Variants in SAMMSON observed in about 807,000 individuals in gnomAD.
The protein encoded by SAMMSON is survival associated mitochondrial melanoma specific oncogenic non-coding RNA, also known as long intergenic non-protein coding RNA 1212.
intron 7 of SAMMSON, among the ~76,000 whole-genome samples, chr3:70,292,887 T>C (rs1235949392): frequency 6.6e-6 from 1 of 151,968 alleles, no homozygotes; most frequent in Non-Finnish European, 1.5e-5. Flanking sequence ...TAATGAACTT[T>C]CAATAATAGC....
intron 4 of SAMMSON, chr3:70,204,357 T>A (rs1403095476): frequency 6.6e-6 from 1 of 152,162 alleles, no homozygotes; most frequent in Admixed American, 6.5e-5. Context: ...TATCGAAAAT[T>A]CTCTAAAATG....
intron 7 of SAMMSON, among the ~76,000 whole-genome samples, chr3:70,292,740 C>A (rs1346781350): frequency 6.6e-6 from 1 of 151,964 alleles, no homozygotes; most frequent in African/African-American, 2.4e-5. Flanking sequence ...CACACACACA[C>A]ATGCACACAC....
intron 7 of SAMMSON, among the ~76,000 whole-genome samples, chr3:70,305,470 T>A (rs1702391589): frequency 6.6e-6 from 1 of 152,176 alleles, no homozygotes; most frequent in East Asian, 1.9e-4. Context: ...ACAAAAAATA[T>A]CCCGTTTAGA....
chr3:70,157,880 C>A (rs2067597904), intron 4 of SAMMSON, among the ~76,000 whole-genome samples: 1 of 152,058 alleles, frequency 6.6e-6, no homozygotes, highest in Non-Finnish European at 1.5e-5. Flanking sequence ...CATCACTGAT[C>A]AGTGGAAGAG....
chr3:70,295,861 T>C (rs1702285123), intron 7 of SAMMSON, among the ~76,000 whole-genome samples: 1 of 152,202 alleles, frequency 6.6e-6, no homozygotes. Context: ...TGTGGTTTAA[T>C]AGAAATGTGC....
At chr3:70,254,781 G>A (rs1025668679) in intron 6 of SAMMSON, among the ~76,000 whole-genome samples, 1 of 152,184 alleles carries the variant, frequency 6.6e-6, no homozygotes, top group African/African-American at 2.4e-5. Context: ...TAACTAAACA[G>A]TTGGTAGCTT....
At chr3:70,080,601 C>T (rs774128672) in intron 4 of SAMMSON, among the ~76,000 whole-genome samples, 1 of 152,054 alleles carries the variant, frequency 6.6e-6, no homozygotes, top group Non-Finnish European at 1.5e-5. Context: ...CTCCTCCCTC[C>T]AAAACCCTAT....
intron 2 of SAMMSON, among the ~76,000 whole-genome samples, chr3:70,403,619 A>C (rs1701157881): frequency 6.6e-6 from 1 of 152,154 alleles, no homozygotes; most frequent in Non-Finnish European, 1.5e-5. Flanking sequence ...CCCCTTTCAC[A>C]CTAGAGTGAC....
intron 4 of SAMMSON, among the ~76,000 whole-genome samples, chr3:70,173,336 TA>T (rs1431896453): frequency 6.6e-6 from 1 of 151,984 alleles, no homozygotes; most frequent in Non-Finnish European, 1.5e-5. Context: ...GAGTTTAATT[TA>T]AAAACATTTA....
intron 6 of SAMMSON, among the ~76,000 whole-genome samples, chr3:70,284,506 AT>A (rs1702121106): frequency 6.6e-6 from 1 of 152,238 alleles, no homozygotes; most frequent in Admixed American, 6.5e-5. Context: ...CTAAATGCCC[AT>A]CAATGATAGA....
At chr3:70,369,028 T>A (rs1702943572) in intron 9 of SAMMSON, among the ~76,000 whole-genome samples, 1 of 151,706 alleles carries the variant, frequency 6.6e-6, no homozygotes. Flanking sequence ...TTGATTTTTT[T>A]AAATTAAAGT....
At chr3:70,258,879 T>A (rs951745588) in intron 6 of SAMMSON, among the ~76,000 whole-genome samples, 1 of 152,150 alleles carries the variant, frequency 6.6e-6, no homozygotes, top group African/African-American at 2.4e-5. Flanking sequence ...TTTAATTTTT[T>A]AAATTAAATT....
intron 3 of SAMMSON, among the ~76,000 whole-genome samples, chr3:70,051,180 A>G (rs1413236547): frequency 6.7e-6 from 1 of 149,230 alleles, no homozygotes; most frequent in Non-Finnish European, 1.5e-5. Context: ...AGAATACAGC[A>G]GATTGTTAGA....
chr3:70,433,294 C>T (rs1444427324), intron 2 of SAMMSON, among the ~76,000 whole-genome samples: 1 of 152,080 alleles, frequency 6.6e-6, no homozygotes, highest in Non-Finnish European at 1.5e-5. Context: ...AGTAAGAGTT[C>T]CTGTTGCCTC....
downstream of SAMMSON, among the ~76,000 whole-genome samples, chr3:70,393,369 T>C (rs1048627278): frequency 1.3e-5 from 2 of 152,222 alleles, no homozygotes; most frequent in African/African-American, 4.8e-5. Context: ...CTTTGTACGA[T>C]GCTTAACACC....
intron 2 of SAMMSON, among the ~76,000 whole-genome samples, chr3:70,434,459 C>T (rs1264520766): frequency 6.6e-6 from 1 of 152,196 alleles, no homozygotes; most frequent in African/African-American, 2.4e-5. Flanking sequence ...GATTTTTGTA[C>T]ATTAATCTTA....
intron 4 of SAMMSON, among the ~76,000 whole-genome samples, chr3:70,223,235 C>A (rs754764927): frequency 6.6e-6 from 1 of 152,054 alleles, no homozygotes; most frequent in Non-Finnish European, 1.5e-5. Flanking sequence ...TATTTGTGAG[C>A]CACAAAGCAA....
chr3:70,299,353 A>G (rs900016450), intron 7 of SAMMSON, among the ~76,000 whole-genome samples: 4 of 151,830 alleles, frequency 2.6e-5, no homozygotes, highest in African/African-American at 9.7e-5. Context: ...TATAAAGCAT[A>G]TAAGATGTAC....
At chr3:70,174,729 A>G (rs1282440023) in intron 4 of SAMMSON, among the ~76,000 whole-genome samples, 1 of 149,532 alleles carries the variant, frequency 6.7e-6, no homozygotes, top group Non-Finnish European at 1.5e-5. Context: ...CCCTTCAATT[A>G]TCTATTCAAT....
Sources: allele counts gnomAD v4.1 joint callset (sites outside exome capture counted in the v4.1 genomes callset), GRCh38; gene constraint gnomAD v4.1.1; transcripts MANE v1.5; gene names NCBI Gene and HGNC (gene_info 2026-07-23, HGNC 2026-07-21).